DEPTOR: variants seen among roughly 807,000 people sequenced by gnomAD.
DEPTOR encodes the protein DEP domain-containing mTOR-interacting protein.
Under a neutral mutation model 41.6 loss-of-function variants are expected in DEPTOR, and 41 were observed. The observed-to-expected ratio is 0.98, with a 90% CI of 0.77 to 1.28. The LOEUF is 1.28. DEPTOR is among the 50% of genes most tolerant of loss of function. The pLI is 0.00. For missense variants in DEPTOR, 514 were observed against 527.9 expected, an observed-to-expected ratio of 0.97 and a Z score of 0.26; for synonymous variants, 195 against 192.3, an observed-to-expected ratio of 1.01 and a Z score of -0.12.
chr8:119,988,607 C>G (rs562080292), intron 4 of DEPTOR, among the ~76,000 whole-genome samples: 73 of 152,124 alleles, frequency 4.8e-4, no homozygotes, highest in Non-Finnish European at 7.4e-5. Flanking sequence ...CTCAGCCTCC[C>G]GAGTAGCTGG....
intron 1 of DEPTOR, among the ~76,000 whole-genome samples, chr8:119,915,559 A>G (rs574018969): frequency 6.6e-6 from 1 of 152,248 alleles, no homozygotes; most frequent in East Asian, 1.9e-4. Flanking sequence ...CGCTCAACCA[A>G]TATTCTGGTA....
At chr8:119,970,899 G>A (rs554334022) in intron 4 of DEPTOR, among the ~76,000 whole-genome samples, 2 of 152,234 alleles carry the variant, frequency 1.3e-5, no homozygotes, top group South Asian at 4.2e-4. Context: ...GCCCTCGGAG[G>A]GGCCAAGGGA....
At chr8:119,874,852 G>A (rs987333089) in intron 1 of DEPTOR, among the ~76,000 whole-genome samples, 1 of 152,086 alleles carries the variant, frequency 6.6e-6, no homozygotes, top group Non-Finnish European at 1.5e-5. Flanking sequence ...CCCTTCGTGT[G>A]GTTATAAATC....
In DEPTOR at chr8:119,913,640, G is replaced by T. The variant is rs568345834; in HGVS notation, c.123-14760G>T. Among the ~76,000 whole-genome samples, 3 of 152,258 alleles carry T rather than the reference G, an allele frequency of 2.0e-5. No homozygotes were observed. The East Asian group carries it at 5.8e-4, about 29-fold the overall frequency. ...AGATAAAAGGTTTTTATTTCTCGTG[G>T]TTCATCAGGGTGTCCATAAAAACCT... On this transcript the variant is annotated intron_variant, in intron 1 of 8. Transcript: ENST00000286234.
At chr8:119,911,358 A>G (rs1586610875) in intron 1 of DEPTOR, among the ~76,000 whole-genome samples, 1 of 125,112 alleles carries the variant, frequency 8.0e-6, no homozygotes, top group African/African-American at 3.3e-5. Context: ...CACTCTTGTC[A>G]CCCTGGCTGG....
chr8:119,930,193 TTTTTG>T (rs1828023910), intron 3 of DEPTOR, among the ~76,000 whole-genome samples: 1 of 152,202 alleles, frequency 6.6e-6, no homozygotes, highest in Non-Finnish European at 1.5e-5. Flanking sequence ...AGCTCCAGAA[TTTTTG>T]TTTACCATCA....
chr8:119,959,961 G>A (rs1828469236), intron 3 of DEPTOR, among the ~76,000 whole-genome samples: 1 of 152,098 alleles, frequency 6.6e-6, no homozygotes, highest in Non-Finnish European at 1.5e-5. Flanking sequence ...CAGGCGCAGT[G>A]GCTCACACCC....
intron 1 of DEPTOR, among the ~76,000 whole-genome samples, chr8:119,877,386 G>T (rs1254935037): frequency 6.6e-6 from 1 of 152,196 alleles, no homozygotes. Flanking sequence ...AATTAAAGCG[G>T]TCGTATGCCT....
chr8:119,909,494 A>G (rs1827709245), intron 1 of DEPTOR, among the ~76,000 whole-genome samples: 2 of 152,232 alleles, frequency 1.3e-5, no homozygotes, highest in South Asian at 2.1e-4. Context: ...ACACCTGCCT[A>G]TCTACCATAG....
At chr8:119,983,806 T>C (rs1828797666) in intron 4 of DEPTOR, among the ~76,000 whole-genome samples, 1 of 152,168 alleles carries the variant, frequency 6.6e-6, no homozygotes, top group African/African-American at 2.4e-5. Flanking sequence ...ATAGAAAATA[T>C]ATAAAGACAG....
chr8:119,952,036 G>A (rs550084218), intron 3 of DEPTOR, among the ~76,000 whole-genome samples: 6 of 152,224 alleles, frequency 3.9e-5, no homozygotes, highest in African/African-American at 1.2e-4. Flanking sequence ...TGGGGAGACC[G>A]AGGCAAGAGA....
At chr8:120,012,823 C>G (rs1812550801) in intron 8 of DEPTOR, among the ~76,000 whole-genome samples, 1 of 151,556 alleles carries the variant, frequency 6.6e-6, no homozygotes, top group African/African-American at 2.4e-5. Flanking sequence ...GCGTGAGCCA[C>G]CACGCCCAGC....
chr8:119,911,775 C>T (rs922578548), intron 1 of DEPTOR, among the ~76,000 whole-genome samples: 2 of 152,194 alleles, frequency 1.3e-5, no homozygotes, highest in Non-Finnish European at 2.9e-5. Flanking sequence ...AAGTCCTTCT[C>T]TTCCATGGAC....
chr8:119,886,464 C>CACAT (rs1563956774), intron 1 of DEPTOR, among the ~76,000 whole-genome samples: 1 of 150,118 alleles, frequency 6.7e-6, no homozygotes, highest in Non-Finnish European at 1.5e-5. Flanking sequence ...CAGACACACA[C>CACAT]ACACATACAC....
intron 8 of DEPTOR, among the ~76,000 whole-genome samples, chr8:120,010,930 T>C (rs1434801496): frequency 1.3e-5 from 2 of 152,228 alleles, no homozygotes; most frequent in African/African-American, 2.4e-5. Flanking sequence ...TGTTCTATTG[T>C]CTGTGAAATG....
intron 8 of DEPTOR, among the ~76,000 whole-genome samples, chr8:120,013,689 G>A (rs1812565818): frequency 6.6e-6 from 1 of 152,144 alleles, no homozygotes; most frequent in Non-Finnish European, 1.5e-5. Context: ...ATAGTGTAAA[G>A]TGCCTCAGTG....
chr8:119,988,430 G>A (rs1489057012), intron 4 of DEPTOR, among the ~76,000 whole-genome samples: 1 of 152,216 alleles, frequency 6.6e-6, no homozygotes, highest in Non-Finnish European at 1.5e-5. Context: ...CTCACTGGGA[G>A]TTGCAGACCA....
intron 4 of DEPTOR, among the ~76,000 whole-genome samples, chr8:119,999,478 G>C (rs533973824): frequency 6.6e-6 from 1 of 152,022 alleles, no homozygotes. Flanking sequence ...GTGGATTTTG[G>C]CTGGGCACAG....
intron 3 of DEPTOR, among the ~76,000 whole-genome samples, chr8:119,940,741 A>T (rs530252201): frequency 1.1e-3 from 172 of 152,338 alleles, no homozygotes; most frequent in African/African-American, 4.0e-3. Context: ...TCCGTCTCAA[A>T]TTAAAAAAAG....
Sources: gnomAD v4.1 joint callset for allele counts (sites outside exome capture counted in the v4.1 genomes callset) on GRCh38, gnomAD v4.1.1 for gene constraint, MANE v1.5 for transcripts, NCBI Gene and HGNC (gene_info 2026-07-23, HGNC 2026-07-21) for gene names.